Variants in CABP5 observed in about 807,000 individuals in gnomAD.
The protein encoded by CABP5 is calcium binding protein 5.
In CABP5, 17 loss-of-function variants were observed where a neutral mutation model predicts 21.9. That is an observed-to-expected ratio of 0.78 (90% CI 0.53 to 1.17). The LOEUF (loss-of-function observed/expected upper bound fraction) is 1.17. CABP5 is among the 50% of genes most tolerant of loss of function. The pLI is 0.00. For missense variants in CABP5, 229 were observed against 228.9 expected, an observed-to-expected ratio of 1.00 and a Z score of 0.00; for synonymous variants, 85 against 79.4, an observed-to-expected ratio of 1.07 and a Z score of -0.37.
rs1455584137 is a variant in CABP5 at position 48,030,009 on chromosome 19, G to A, written c.*548C>T. 6.6e-6 allele frequency: 1 copy of A among 152,398 alleles called. No homozygotes were observed. The highest frequency in any genetic ancestry group is 2.4e-5 in the African/African-American group (1 of 41,436). 9.4% of individuals were successfully genotyped at this position (152,398 alleles called of 1,614,324 possible). A position where few individuals can be genotyped will look rare whatever the true frequency, so the allele number is the denominator to read the frequency against. The stretch of plus-strand genomic sequence containing the variant: ...TTCTATAGATTTAGGGAGTACAAGT[G>A]CGGTTTTGTTACATGGATATATTGC... On this transcript the variant is annotated 3_prime_UTR_variant, in exon 6 of 6. Transcript: ENST00000293255.
intron 4 of CABP5, among the ~76,000 whole-genome samples, 169 bp from the exon 5 acceptor site, chr19:48,034,531 T>C (rs868324313): frequency 7.9e-6 from 1 of 127,250 alleles, no homozygotes; most frequent in South Asian, 2.5e-4. Context: ...TTTTTTTTTT[T>C]CTTTTTTTCT....
intron 4 of CABP5, among the ~76,000 whole-genome samples, 177 bp from the exon 5 acceptor site, chr19:48,034,539 T>C (rs1479869199): frequency 7.8e-6 from 1 of 128,752 alleles, no homozygotes; most frequent in Non-Finnish European, 1.8e-5. Context: ...TTTCTTTTTT[T>C]CTTTCTTTTT....
intron 4 of CABP5, among the ~76,000 whole-genome samples, chr19:48,037,699 T>G (rs552361635): frequency 1.4e-4 from 21 of 152,268 alleles, no homozygotes; most frequent in African/African-American, 4.8e-4. Context: ...ACTTAAAAAT[T>G]ATTAATTTAG....
rs773720771 is a variant in CABP5, at chr19:48,039,275, G to A, written c.281C>T (p.Thr94Ile). The change falls in exon 4 of 6, where the codon ACC becomes ATC. Residue 94 changes from threonine to isoleucine, a missense_variant. Coordinates refer to ENST00000293255, the MANE Select transcript of CABP5 (RefSeq NM_019855.5). The part of the protein sequence containing the change: ...VDFDDFVELM[T>I]PKLLAETAGM... ...AGCTGTTTCTGCAAGCAATTTGGGG[G>A]TCATCAGCTCCACAAAGTCATCAAA... 3.7e-6 allele frequency: 6 copies of A among 1,613,946 alleles called. No homozygotes were observed. Among genetic ancestry groups the A allele is most frequent in the East Asian group, 2.2e-5 (1 of 44,890 alleles).
rs1224439008 is a variant in CABP5 at position 48,029,828 on chromosome 19, G to GAGAGAGAGAGAGAGACAGAGAGAGAC, written c.*728_*729insGTCTCTCTCTGTCTCTCTCTCTCTCT. ...AGAGAGAGAGAGAGAGAGAGAGAGA[G>GAGAGAGAGAGAGAGACAGAGAGAGAC]AGAGAGAGAAACCAGACAGTGCTTC... On this transcript the variant is annotated 3_prime_UTR_variant, in exon 6 of 6. Coordinates refer to ENST00000293255, the MANE Select transcript of CABP5 (RefSeq NM_019855.5). 3 of 150,420 alleles carry GAGAGAGAGAGAGAGACAGAGAGAGAC rather than the reference G, an allele frequency of 2.0e-5. No homozygotes were observed. Among genetic ancestry groups the GAGAGAGAGAGAGAGACAGAGAGAGAC allele is most frequent in the African/African-American group, 7.4e-5 (3 of 40,290 alleles). 9.3% of individuals were successfully genotyped at this position (150,420 alleles called of 1,614,324 possible). A position where few individuals can be genotyped will look rare whatever the true frequency, so the allele number is the denominator to read the frequency against.
Position 48,034,338 on chromosome 19 carries a change from T to C in CABP5, c.373A>G (p.Ile125Val), listed in dbSNP as rs575851121. The C allele has an allele frequency of 1.9e-6, 3 of 1,578,078 alleles. No homozygotes were observed. In the South Asian group the frequency reaches 3.5e-5, roughly 18 times the overall value. The change falls in exon 5 of 6, where the codon ATC (isoleucine) becomes GTC (valine). Residue 125 changes from isoleucine to valine, a missense_variant. Transcript: ENST00000293255. ...GCCTGCTGTAGCTCCACCAGGGTGA[T>C]CTCCCCATCTCCATTCGTGTCAAAC... Reference protein sequence around the residue: ...KEFDTNGDGEITLVELQQAMQ... With the variant: ...KEFDTNGDGEVTLVELQQAMQ...
rs1404400701 is a variant in CABP5, at chr19:48,029,794, C to CAG, written c.*761_*762dup. ...ATGTGGGAGGGGAGACAGAGACAGA[C>CAG]AGACAGAGAGAGAGAGAGAGAGAGA... is the stretch of plus-strand genomic sequence containing the variant. On this transcript the variant is annotated 3_prime_UTR_variant, in exon 6 of 6. Transcript: ENST00000293255. 0.02 allele frequency among the ~76,000 whole-genome samples: 1,697 copies of CAG among 85,330 alleles called. 29 individuals carry two copies. Among genetic ancestry groups the CAG allele is most frequent in the African/African-American group, 0.052 (1,284 of 24,866 alleles). The allele number at this position is 85,330 out of a possible 152,430, so 56.0% of individuals were successfully genotyped here.
At chr19:48,041,363 G>A (rs1967479663) in intron 2 of CABP5, 2 of 583,398 alleles carry the variant, frequency 3.4e-6, no homozygotes, top group South Asian at 4.3e-5. Flanking sequence ...GAGTCTTGGA[G>A]ATACTTGAGG....
intron 4 of CABP5, among the ~76,000 whole-genome samples, chr19:48,035,824 T>C (rs898700460): frequency 2.0e-5 from 3 of 152,186 alleles, no homozygotes; most frequent in Non-Finnish European, 4.4e-5. Flanking sequence ...CCCAAGTACG[T>C]AGGGGCTTGT....
intron 5 of CABP5, among the ~76,000 whole-genome samples, chr19:48,033,014 CTTTT>C (rs370570252): frequency 5.7e-5 from 7 of 123,232 alleles, no homozygotes; most frequent in Admixed American, 8.7e-5. Context: ...ACTTGACATG[CTTTT>C]TTTTTTTTTT....
Position 48,040,721 on chromosome 19 carries a change from T to C in CABP5, c.122A>G (p.Asp41Gly), listed in dbSNP as rs758878064. 165 of 1,614,046 alleles carry C rather than the reference T, an allele frequency of 1.0e-4. No homozygotes were observed. In the Middle Eastern group the frequency reaches 2.6e-3, roughly 26 times the overall value. ...EELREAFLEF[D>G]KDRDGFISCK... ...AGAGATGAACCCATCTCGGTCCTTA[T>C]CGAACTCAAGAAATGCTTCCCGCAG... Residue 41 changes from aspartate (D) to glycine (G), a missense_variant, in exon 3 of 6, where the codon GAT (aspartate) becomes GGT (glycine). Transcript: ENST00000293255.
chr19:48,030,818 C>T (rs1421104217), intron 5 of CABP5, among the ~76,000 whole-genome samples: 1 of 151,964 alleles, frequency 6.6e-6, no homozygotes, highest in African/African-American at 2.4e-5. Flanking sequence ...AGATCTACCT[C>T]ATGAGGTTGA....
chr19:48,039,904 G>A (rs1227112025), intron 3 of CABP5, among the ~76,000 whole-genome samples: 3 of 151,482 alleles, frequency 2.0e-5, no homozygotes, highest in East Asian at 1.9e-4. Context: ...TAGTAGAGAC[G>A]GGGTGTCACC....
chr19:48,038,183 G>A (rs1425564369), intron 4 of CABP5, among the ~76,000 whole-genome samples: 1 of 152,112 alleles, frequency 6.6e-6, no homozygotes, highest in Non-Finnish European at 1.5e-5. Context: ...CCAAAGTGCT[G>A]GGATTATGGG....
intron 3 of CABP5, among the ~76,000 whole-genome samples, chr19:48,039,838 C>T (rs149765705): frequency 0.096 from 14,406 of 150,314 alleles, 733 homozygotes; most frequent in South Asian, 0.11. Flanking sequence ...CTTAGCCTCC[C>T]GAGTAGCTGG....
rs1370460296 is a variant in CABP5, at chr19:48,030,357, T to C, written c.*200A>G. ...ATCCACAGACTCTTCCTTCTTAATCTAGTTCTGCAGACGCCCCCATCCTGG... is the reference window on the plus strand; with the variant it reads ...ATCCACAGACTCTTCCTTCTTAATCCAGTTCTGCAGACGCCCCCATCCTGG... On this transcript the variant is annotated 3_prime_UTR_variant, in exon 6 of 6. Transcript: ENST00000293255. 7.5e-6 allele frequency: 4 copies of C among 534,544 alleles called. No homozygotes were observed. The highest frequency in any genetic ancestry group is 6.0e-5 in the African/African-American group (3 of 50,350). The allele number at this position is 534,544 out of a possible 1,614,324, so 33.1% of individuals were successfully genotyped here.
At chr19:48,042,616 C>T (rs1967495948) in intron 1 of CABP5, among the ~76,000 whole-genome samples, 1 of 151,508 alleles carries the variant, frequency 6.6e-6, no homozygotes, top group South Asian at 2.1e-4. Flanking sequence ...GCTCTGTCAC[C>T]CAAGCTGGAG....
At chr19:48,034,624 C>T (rs1967386048) in intron 4 of CABP5, among the ~76,000 whole-genome samples, 1 of 150,722 alleles carries the variant, frequency 6.6e-6, no homozygotes, top group African/African-American at 2.4e-5. Flanking sequence ...CAGCTCACTG[C>T]AGCCTTCACC....
At chr19:48,040,903 G>A (rs1967473319) in intron 2 of CABP5, among the ~76,000 whole-genome samples, 155 bp from the exon 3 acceptor site, 1 of 152,118 alleles carries the variant, frequency 6.6e-6, no homozygotes, top group Non-Finnish European at 1.5e-5. Context: ...AAGGCCGGAT[G>A]TGGTGGCTCA....
Sources: allele counts gnomAD v4.1 joint callset (sites outside exome capture counted in the v4.1 genomes callset), GRCh38; gene constraint gnomAD v4.1.1; transcripts MANE v1.5; gene names NCBI Gene and HGNC (gene_info 2026-07-23, HGNC 2026-07-21).